Variants in MPP7 observed in about 807,000 individuals in gnomAD.
MPP7 encodes the protein MAGUK p55 subfamily member 7.
In MPP7, 60 loss-of-function variants were observed where a neutral mutation model predicts 76.5. The ratio of observed to expected loss-of-function variants is 0.78; its 90% CI spans 0.64 to 0.97. MPP7 has a LOEUF of 0.97. Ranked by LOEUF, MPP7 falls within the 50% of genes least tolerant of loss-of-function variation. The probability of loss-of-function intolerance (pLI) is 0.00; values close to 1 mark genes in which losing one functional copy is unlikely to be tolerated. For missense variants in MPP7, 641 were observed against 694.0 expected (o/e 0.92, Z 0.86); for synonymous variants, 237 against 244.5 (o/e 0.97, Z 0.29).
At chr10:28,088,508 C>T (rs1853129403) in intron 12 of MPP7, among the ~76,000 whole-genome samples, 1 of 152,158 alleles carries the variant, frequency 6.6e-6, no homozygotes, top group Non-Finnish European at 1.5e-5. Flanking sequence ...CCTTCACCTT[C>T]TGCCATGCTT....
At chr10:28,055,088 G>C (rs1344656239) in intron 16 of MPP7, among the ~76,000 whole-genome samples, 1 of 152,196 alleles carries the variant, frequency 6.6e-6, no homozygotes. Flanking sequence ...AAATGTAAGA[G>C]AGCCAAATCC....
intron 1 of MPP7, among the ~76,000 whole-genome samples, chr10:28,271,269 T>C (rs1186078752): frequency 6.6e-6 from 1 of 152,220 alleles, no homozygotes; most frequent in Non-Finnish European, 1.5e-5. Context: ...CTGAAAAACA[T>C]TTGTTTTACT....
At chr10:28,121,241 C>T (rs919013390) in intron 8 of MPP7, among the ~76,000 whole-genome samples, 2 of 150,494 alleles carry the variant, frequency 1.3e-5, no homozygotes, top group African/African-American at 2.4e-5. Context: ...CCACTGCACT[C>T]CAGCCTAGGT....
At chr10:28,245,200 T>G (rs933328544) in intron 1 of MPP7, among the ~76,000 whole-genome samples, 1 of 152,224 alleles carries the variant, frequency 6.6e-6, no homozygotes, top group African/African-American at 2.4e-5. Flanking sequence ...GTGATACAAC[T>G]TCTTGATTAC....
intron 12 of MPP7, among the ~76,000 whole-genome samples, chr10:28,085,133 T>A (rs1852942529): frequency 6.6e-6 from 1 of 152,216 alleles, no homozygotes; most frequent in Non-Finnish European, 1.5e-5. Flanking sequence ...TGTCAAGTAC[T>A]GCCCTAATTT....
rs35450618 is a variant in MPP7, at chr10:28,058,545, G to A, written c.1357C>T (p.Arg453Trp). Residue 453 changes from arginine to tryptophan, a missense_variant, in exon 15 of 17, where the codon CGG becomes TGG. By Grantham distance (101) the Arg-to-Trp change is moderately radical. Coordinates refer to ENST00000683449, the MANE Select transcript of MPP7 (RefSeq NM_001318170.2). ...NYYGTSIDSVRSVLAKNKVCL... is the reference protein window; with the variant it reads ...NYYGTSIDSVWSVLAKNKVCL... ...ACTTTGTTTTTAGCAAGGACAGACC[G>A]AACTGAGTCTATACTTGTGCCGTAG... is the stretch of plus-strand genomic sequence containing the variant. The A allele has an allele frequency of 1.0e-5, 16 of 1,606,078 alleles. No individual in the cohort carries two copies. Among genetic ancestry groups the A allele is most frequent in the Middle Eastern group, 1.7e-4 (1 of 6,056 alleles).
intron 8 of MPP7, among the ~76,000 whole-genome samples, chr10:28,121,035 T>C (rs1458359206): frequency 6.6e-6 from 1 of 152,140 alleles, no homozygotes; most frequent in Non-Finnish European, 1.5e-5. Flanking sequence ...AAGGTCTGGG[T>C]GCAGTGGCTC....
chr10:28,056,285 G>C (rs1375479017), intron 16 of MPP7, among the ~76,000 whole-genome samples, 195 bp downstream of exon 16: 1 of 152,158 alleles, frequency 6.6e-6, no homozygotes, highest in African/African-American at 2.4e-5. Context: ...CGCCTCCCAA[G>C]TAGCTGGGAC....
chr10:28,208,171 C>T (rs1316256521), intron 2 of MPP7, among the ~76,000 whole-genome samples: 1 of 152,090 alleles, frequency 6.6e-6, no homozygotes, highest in East Asian at 1.9e-4. Flanking sequence ...CGTGTGTTTG[C>T]AGCTCACAAG....
At chr10:28,154,706 G>A (rs1251900741) in intron 3 of MPP7, among the ~76,000 whole-genome samples, 1 of 142,072 alleles carries the variant, frequency 7.0e-6, no homozygotes, top group Non-Finnish European at 1.5e-5. Flanking sequence ...AGTAGCCAGG[G>A]CATTAAACAT....
chr10:28,266,030 G>A (rs562746678), intron 1 of MPP7, among the ~76,000 whole-genome samples: 6 of 152,194 alleles, frequency 3.9e-5, no homozygotes, highest in African/African-American at 1.4e-4. Context: ...TACTCAGGAG[G>A]CTCACTGCAA....
chr10:28,195,319 A>T (rs1337067334), intron 3 of MPP7, among the ~76,000 whole-genome samples: 2 of 152,234 alleles, frequency 1.3e-5, no homozygotes, highest in Admixed American at 1.3e-4. Flanking sequence ...TCAGCCACTT[A>T]GAAAAATAGT....
intron 1 of MPP7, among the ~76,000 whole-genome samples, chr10:28,256,232 T>C (rs1269387534): frequency 6.6e-6 from 1 of 151,760 alleles, no homozygotes; most frequent in Non-Finnish European, 1.5e-5. Flanking sequence ...CCCAGACACT[T>C]TCTATATAAA....
intron 3 of MPP7, among the ~76,000 whole-genome samples, chr10:28,174,928 G>C (rs1836806948): frequency 6.6e-6 from 1 of 152,148 alleles, no homozygotes; most frequent in African/African-American, 2.4e-5. Context: ...CAACATAAAT[G>C]AATCATATAA....
chr10:28,249,360 G>C (rs78086976), intron 1 of MPP7, among the ~76,000 whole-genome samples: 12,052 of 152,140 alleles, frequency 0.079, 972 homozygotes, highest in East Asian at 0.4. Flanking sequence ...AGGCCAAGGT[G>C]GGGGGATCAC....
chr10:28,283,726 G>A (rs1375138735), intron 1 of MPP7, among the ~76,000 whole-genome samples: 1 of 151,976 alleles, frequency 6.6e-6, no homozygotes, highest in African/African-American at 2.4e-5. Flanking sequence ...TGTTGGCCAG[G>A]CTGGTCTCAA....
rs749664765 is a variant in MPP7 at position 28,150,039 on chromosome 10, G to A, written c.177C>T (p.Tyr59=). The A allele has an allele frequency of 6.2e-7, 1 of 1,613,568 alleles. No homozygotes were observed. Among genetic ancestry groups the A allele is most frequent in the Admixed American group, 1.7e-5 (1 of 59,976 alleles). Residue 59 remains tyrosine, a synonymous_variant, in exon 4 of 17, where the codon TAC becomes TAT. Coordinates refer to ENST00000683449, the MANE Select transcript of MPP7 (RefSeq NM_001318170.2). ...TGGGCACCGGACTCTGCTTCTCATAGTAGTGTAGTTTTTCATGAATCTGGA... is the reference window on the plus strand; with the variant it reads ...TGGGCACCGGACTCTGCTTCTCATAATAGTGTAGTTTTTCATGAATCTGGA... ...SLVKIHEKLH[Y]YEKQSPVPIL...
chr10:28,333,789 T>C lies in MPP7; in HGVS notation c.-206+629A>G, dbSNP rs1421165542. 1.3e-5 allele frequency among the ~76,000 whole-genome samples: 2 copies of C among 152,316 alleles called. 1 individual carries two copies. Among genetic ancestry groups the C allele is most frequent in the Middle Eastern group, 6.8e-3 (2 of 294 alleles). ...GGTGGAATTAATTTTTTTAAGTCTA[T>C]CTAGAAACAAAGGAAAAGCAGAGGT... On this transcript the variant is annotated intron_variant, in intron 1 of 11. Transcript: ENST00000441595.
intron 2 of MPP7, among the ~76,000 whole-genome samples, chr10:28,211,107 CT>C (rs61524219): frequency 6.7e-5 from 10 of 148,952 alleles, no homozygotes; most frequent in African/African-American, 7.4e-5. Flanking sequence ...ACTGTCTTTT[CT>C]TTTTTTTTTA....
Sources: allele counts gnomAD v4.1 joint callset (sites outside exome capture counted in the v4.1 genomes callset), GRCh38; gene constraint gnomAD v4.1.1; transcripts MANE v1.5; gene names NCBI Gene and HGNC (gene_info 2026-07-23, HGNC 2026-07-21).